Variants in SHPRH observed in about 807,000 individuals in gnomAD.
The protein encoded by SHPRH is E3 ubiquitin-protein ligase SHPRH.
In SHPRH, 106 loss-of-function variants were observed where a neutral mutation model predicts 202.5. The ratio of observed to expected loss-of-function variants is 0.52; its 90% CI spans 0.45 to 0.62. The LOEUF (loss-of-function observed/expected upper bound fraction) is 0.62, where lower values mean the gene tolerates loss of function less well. SHPRH is among the 20% of genes least tolerant of loss of function. The pLI, the probability that SHPRH is intolerant of heterozygous loss-of-function variation, is 0.00. For missense variants in SHPRH, 1,710 were observed against 2,020.0 expected (o/e 0.85, Z 2.94); for synonymous variants, 729 against 686.0 (o/e 1.06, Z -0.98).
intron 18 of SHPRH, 54 bp downstream of exon 18, chr6:145,923,589 G>A: frequency 1.9e-6 from 3 of 1,578,622 alleles, no homozygotes; most frequent in Non-Finnish European, 2.6e-6. Context: ...AAAATACAAG[G>A]ATTTCTTTGC....
At chr6:145,946,367 A>G (rs374564953) in intron 6 of SHPRH, 26 bp from the exon 7 acceptor site, 23 of 1,554,474 alleles carry the variant, frequency 1.5e-5, no homozygotes, top group Non-Finnish European at 2.0e-5. Flanking sequence ...GTCAGTAGTT[A>G]CACAGTGTTT....
chr6:145,898,418 A>T (rs956736970), intron 25 of SHPRH, among the ~76,000 whole-genome samples: 2 of 151,446 alleles, frequency 1.3e-5, no homozygotes, highest in Non-Finnish European at 2.9e-5. Flanking sequence ...CTATAGACTC[A>T]ATGCAATCCC....
At chr6:145,932,967 C>T (rs977670835) in intron 14 of SHPRH, 90 bp downstream of exon 14, 4 of 1,397,758 alleles carry the variant, frequency 2.9e-6, no homozygotes, top group South Asian at 1.4e-5. Context: ...GGAAAAATCC[C>T]CCCCCCAAAA....
At chr6:145,947,748 A>C in intron 5 of SHPRH, 105 bp from the exon 6 acceptor site, 1 of 1,323,610 alleles carries the variant, frequency 7.6e-7, no homozygotes, top group South Asian at 1.5e-5. Flanking sequence ...CATAAAGTCT[A>C]AGTTTATTGA....
At chr6:145,902,929 T>C (rs1782628264) in intron 25 of SHPRH, among the ~76,000 whole-genome samples, 1 of 152,128 alleles carries the variant, frequency 6.6e-6, no homozygotes, top group African/African-American at 2.4e-5. Context: ...AGTTTTAGTT[T>C]ATATCTTAGA....
chr6:145,953,341 T>C (rs1215568421), intron 2 of SHPRH, among the ~76,000 whole-genome samples: 1 of 152,084 alleles, frequency 6.6e-6, no homozygotes, highest in Non-Finnish European at 1.5e-5. Context: ...CAATAAATGT[T>C]TAAATATTTG....
chr6:145,873,909 T>C (rs967469592), intron 2 of SHPRH, among the ~76,000 whole-genome samples: 10 of 152,078 alleles, frequency 6.6e-5, no homozygotes, highest in African/African-American at 2.4e-4. Context: ...CATCAAAATG[T>C]GTGGGCAGGC....
chr6:145,859,849 A>G (rs1472470724), downstream of SHPRH, among the ~76,000 whole-genome samples: 1 of 151,992 alleles, frequency 6.6e-6, no homozygotes, highest in African/African-American at 2.4e-5. Flanking sequence ...CTTAAATTGA[A>G]TTCTCTCTCT....
intron 28 of SHPRH, among the ~76,000 whole-genome samples, chr6:145,891,470 T>C (rs1423569043): frequency 6.6e-6 from 1 of 152,164 alleles, no homozygotes; most frequent in African/African-American, 2.4e-5. Context: ...GCTCCTAACA[T>C]AGTCCAGATT....
chr6:145,881,813 G>A (rs184934426), downstream of SHPRH, among the ~76,000 whole-genome samples: 319 of 152,108 alleles, frequency 2.1e-3, 1 homozygote, highest in Non-Finnish European at 2.3e-3. Context: ...AGAAAGGAAG[G>A]GAAAAAAAGA....
Position 145,953,617 on chromosome 6 carries a change from A to G in SHPRH, c.633+1073T>C, listed in dbSNP as rs1265053552. ...CTAAGGTTATCGATGCAAGAAATAT[A>G]TGAGACAGTTTTCAGTTAAACAACA... On this transcript the variant is annotated intron_variant, in intron 2 of 29. Coordinates refer to ENST00000275233, the MANE Select transcript of SHPRH (RefSeq NM_001042683.3). Among the ~76,000 whole-genome samples the G allele has an allele frequency of 1.6e-4, 25 of 152,162 alleles. 1 individual carries two copies. Among genetic ancestry groups the G allele is most frequent in the Admixed American group, 1.4e-3 (22 of 15,270 alleles).
intron 28 of SHPRH, among the ~76,000 whole-genome samples, chr6:145,888,870 C>CA (rs1218060989): frequency 2.6e-5 from 4 of 151,862 alleles, no homozygotes; most frequent in African/African-American, 9.7e-5. Flanking sequence ...GTAGAGCTGA[C>CA]AAAACTTAAA....
chr6:145,875,649 C>A (rs1434130351), intron 2 of SHPRH, among the ~76,000 whole-genome samples: 1 of 152,188 alleles, frequency 6.6e-6, no homozygotes, highest in Non-Finnish European at 1.5e-5. Context: ...ATTAGACCTT[C>A]ACCCAAGAAC....
rs1379404929 is a variant in SHPRH, at chr6:145,919,498, G to T, written c.4009-7C>A. The stretch of plus-strand genomic sequence containing the variant: ...TCCAATATTCATGAAGCAACTGAAG[G>T]AATAGAAAAGACAAACACAGTGGTA... On this transcript the variant is annotated splice_polypyrimidine_tract_variant and splice_region_variant and intron_variant, in intron 21 of 29. Coordinates refer to ENST00000275233, the MANE Select transcript of SHPRH (RefSeq NM_001042683.3). 5.0e-6 allele frequency: 8 copies of T among 1,611,168 alleles called. No individual in the cohort carries two copies. The highest frequency in any genetic ancestry group is 4.0e-5 in the African/African-American group (3 of 74,714).
intron 29 of SHPRH, 32 bp downstream of exon 29, chr6:145,887,987 TC>T (rs1311024220): frequency 1.3e-6 from 2 of 1,504,616 alleles, no homozygotes; most frequent in Non-Finnish European, 1.8e-6. Flanking sequence ...AGGAAAACCT[TC>T]CCCCTTCTAC....
chr6:145,927,266 A>G lies in SHPRH; in HGVS notation c.3124T>C (p.Leu1042=). 6.2e-7 allele frequency: 1 copy of G among 1,611,570 alleles called. No individual in the cohort carries two copies. Among genetic ancestry groups the G allele is most frequent in the Non-Finnish European group, 8.5e-7 (1 of 1,178,606 alleles). ...GIHIIKGEYA[L]AAELYREVLR... Reference sequence around the variant, plus strand: ...ACTTCTCTGTACAATTCTGCTGCCAAGGCATACTCACCTAAAGAATTAAAA... The same window carrying G: ...ACTTCTCTGTACAATTCTGCTGCCAGGGCATACTCACCTAAAGAATTAAAA... The change falls in exon 15 of 30, where the codon TTG becomes CTG. Residue 1042 remains leucine (L), a synonymous_variant. Transcript: ENST00000275233.
chr6:145,933,430 A>T (rs1785687381), intron 13 of SHPRH, among the ~76,000 whole-genome samples: 1 of 152,214 alleles, frequency 6.6e-6, no homozygotes, highest in Non-Finnish European at 1.5e-5. Flanking sequence ...CCTCAAGTAC[A>T]AAGTACAGCA....
At chr6:145,864,655 T>C (rs1196116820) in intron 2 of SHPRH, among the ~76,000 whole-genome samples, 1 of 146,896 alleles carries the variant, frequency 6.8e-6, no homozygotes, top group Non-Finnish European at 1.5e-5. Context: ...AACAAAATAA[T>C]AGCCCATGAA....
At chr6:145,927,529 AAT>A (rs755134674) in intron 14 of SHPRH, among the ~76,000 whole-genome samples, 30 of 151,760 alleles carry the variant, frequency 2.0e-4, no homozygotes, top group Non-Finnish European at 3.5e-4. Flanking sequence ...ATTATACTGA[AAT>A]ATGTTTATAA....
Sources: allele counts gnomAD v4.1 joint callset (sites outside exome capture counted in the v4.1 genomes callset), GRCh38; gene constraint gnomAD v4.1.1; transcripts MANE v1.5; gene names NCBI Gene and HGNC (gene_info 2026-07-23, HGNC 2026-07-21).